Variants in UGT1A9 observed in about 807,000 individuals in gnomAD.
UGT1A9 encodes the protein UDP glucuronosyltransferase family 1 member A9.
Under a neutral mutation model 45.0 loss-of-function variants are expected in UGT1A9, and 35 were observed. That is an observed-to-expected ratio of 0.78 (90% CI 0.59 to 1.03). UGT1A9 has a LOEUF of 1.03. Among genes scored for constraint, UGT1A9 ranks in the 50% least tolerant of loss-of-function variants. UGT1A9 has a pLI of 0.00. For missense variants in UGT1A9, 687 were observed against 666.6 expected (o/e 1.03, Z -0.34); for synonymous variants, 278 against 250.6 (o/e 1.11, Z -1.03).
chr2:233,751,206 C>G (rs1365392073), intron 1 of UGT1A9, among the ~76,000 whole-genome samples: 1 of 151,962 alleles, frequency 6.6e-6, no homozygotes, highest in Non-Finnish European at 1.5e-5. Flanking sequence ...AATTTTGGAG[C>G]TTTAAGATTT....
chr2:233,743,427 G>A, intron 1 of UGT1A9: 2 of 1,349,658 alleles, frequency 1.5e-6, no homozygotes, highest in South Asian at 2.3e-5. Context: ...GGGAGCCAAA[G>A]GAACGAAATC....
rs541728418 is a variant in UGT1A9, at chr2:233,673,104, C to T, written c.855+315C>T. On this transcript the variant is annotated intron_variant, in intron 1 of 4. Transcript: ENST00000354728. Reference sequence around the variant, plus strand: ...CCCTTTTTTGTTAATTCTATATGCCCGCCCCAGAGGAAATGGTCTTAGTTT... The same window carrying T: ...CCCTTTTTTGTTAATTCTATATGCCTGCCCCAGAGGAAATGGTCTTAGTTT... Among the ~76,000 whole-genome samples, 19 of 152,122 alleles carry T rather than the reference C, an allele frequency of 1.2e-4. No homozygotes were observed. In the East Asian group the frequency reaches 2.3e-3, roughly 19 times the overall value.
At chr2:233,701,956 C>T (rs1431436899) in intron 1 of UGT1A9, among the ~76,000 whole-genome samples, 1 of 152,018 alleles carries the variant, frequency 6.6e-6, no homozygotes, top group Non-Finnish European at 1.5e-5. Context: ...AGAGCAAACA[C>T]ATTCAAAAGC....
At chr2:233,675,895 T>G (rs1443660029) in intron 1 of UGT1A9, among the ~76,000 whole-genome samples, 1 of 152,146 alleles carries the variant, frequency 6.6e-6, no homozygotes. Context: ...CATTATCATA[T>G]CTAAGACAAT....
In UGT1A9 at chr2:233,768,589, T is replaced by TC. The variant is rs1441142658; in HGVS notation, c.1295+150_1295+151insC. The TC allele has an allele frequency of 2.3e-4, 239 of 1,048,606 alleles. No individual in the cohort carries two copies. In the East Asian group the frequency reaches 3.3e-3, roughly 15 times the overall value. 65.0% of individuals were successfully genotyped at this position (1,048,606 alleles called of 1,614,324 possible). A position where few individuals can be genotyped will look rare whatever the true frequency, so the allele number is the denominator to read the frequency against. ...TCTGGATTTTTATTTCTTCTTTTTT[T>TC]TTTTTTTTTTTTTTTGAGATGGAGT... On this transcript the variant is annotated intron_variant, in intron 4 of 4. Transcript: ENST00000354728.
Position 233,754,880 on chromosome 2 carries a change from C to T in UGT1A9, c.856-12154C>T, listed in dbSNP as rs764187223. Reference sequence around the variant, plus strand: ...GTGCAGACCCTCTGCTTCTGCTTCCCAGGGAGTTCCTCTGACCCCCCAAAA... The same window carrying T: ...GTGCAGACCCTCTGCTTCTGCTTCCTAGGGAGTTCCTCTGACCCCCCAAAA... On this transcript the variant is annotated intron_variant, in intron 1 of 4. Transcript: ENST00000354728. 3.0e-6 allele frequency: 4 copies of T among 1,352,340 alleles called. No homozygotes were observed. The South Asian group carries it at 4.6e-5, about 15-fold the overall frequency. The allele number at this position is 1,352,340 out of a possible 1,614,324, so 83.8% of individuals were successfully genotyped here.
intron 1 of UGT1A9, among the ~76,000 whole-genome samples, chr2:233,727,971 C>G (rs1256650182): frequency 6.6e-6 from 1 of 152,196 alleles, no homozygotes; most frequent in Non-Finnish European, 1.5e-5. Context: ...CTGAGGTGAC[C>G]AGGACAAGGT....
chr2:233,719,298 G>T, intron 1 of UGT1A9: 1 of 1,613,992 alleles, frequency 6.2e-7, no homozygotes, highest in Admixed American at 1.7e-5. Flanking sequence ...CTGTGGGGCG[G>T]TGCTGGCTAA....
intron 1 of UGT1A9, chr2:233,713,228 G>C (rs200357281): frequency 7.1e-5 from 114 of 1,614,178 alleles, no homozygotes; most frequent in South Asian, 3.1e-4. Flanking sequence ...CCCTGACAAC[G>C]TATGCCATTT....
At chr2:233,696,081 T>C (rs1265342336) in intron 1 of UGT1A9, among the ~76,000 whole-genome samples, 2 of 152,144 alleles carry the variant, frequency 1.3e-5, no homozygotes, top group East Asian at 3.8e-4. Context: ...AAGAACAGTA[T>C]GGAGAGTCTT....
Position 233,746,417 on chromosome 2 carries a change from CT to C in UGT1A9, c.856-20616del, listed in dbSNP as rs747591279. 3.3e-5 allele frequency among the ~76,000 whole-genome samples: 5 copies of C among 151,706 alleles called. No homozygotes were observed. The South Asian group carries it at 1.0e-3, about 32-fold the overall frequency. ...AGCTGGGAGTGTGTCCAATGGTGAC[CT>C]ATTAACTTATGTCTTCAGCTTAAAA... On this transcript the variant is annotated intron_variant, in intron 1 of 4. Transcript: ENST00000354728.
intron 1 of UGT1A9, among the ~76,000 whole-genome samples, chr2:233,705,699 T>A (rs2075866580): frequency 6.6e-6 from 1 of 152,196 alleles, no homozygotes; most frequent in Admixed American, 6.5e-5. Context: ...GGTATAAAAA[T>A]TCACCAGTAT....
chr2:233,683,013 T>C (rs1053906206), intron 1 of UGT1A9, among the ~76,000 whole-genome samples: 2 of 152,186 alleles, frequency 1.3e-5, no homozygotes, highest in African/African-American at 2.4e-5. Flanking sequence ...TTGTAGATCA[T>C]ATCTAGGCTG....
At chr2:233,735,635 G>T (rs1575610162) in intron 1 of UGT1A9, among the ~76,000 whole-genome samples, 2 of 152,280 alleles carry the variant, frequency 1.3e-5, no homozygotes, top group East Asian at 3.9e-4. Flanking sequence ...GCATGTTTTT[G>T]CAGTGGCTGG....
At chr2:233,686,352 CA>C (rs1324120772) in intron 1 of UGT1A9, among the ~76,000 whole-genome samples, 4 of 151,822 alleles carry the variant, frequency 2.6e-5, no homozygotes, top group Non-Finnish European at 5.9e-5. Flanking sequence ...TTTTGTATAT[CA>C]AAGGATACTA....
chr2:233,729,355 C>T (rs144116440), intron 1 of UGT1A9: 167 of 1,614,046 alleles, frequency 1.0e-4, no homozygotes, highest in Non-Finnish European at 4.3e-5. Context: ...CTTTTTCACC[C>T]TGACAACCTA....
intron 1 of UGT1A9, among the ~76,000 whole-genome samples, chr2:233,700,016 G>A (rs1422115779): frequency 4.6e-5 from 7 of 152,224 alleles, no homozygotes; most frequent in African/African-American, 1.7e-4. Context: ...CACGAGTGCT[G>A]AAATTGAGAA....
At chr2:233,717,999 T>G (rs1180209049) in intron 1 of UGT1A9, 5 of 416,692 alleles carry the variant, frequency 1.2e-5, no homozygotes, top group Non-Finnish European at 2.4e-5. Flanking sequence ...CTGTGCAAGA[T>G]CTGAGGCCAG....
chr2:233,693,217 A>T (rs1044652784), intron 1 of UGT1A9: 1 of 1,614,210 alleles, frequency 6.2e-7, no homozygotes, highest in Non-Finnish European at 8.5e-7. Context: ...AAGAATCCAA[A>T]TACTACACAA....
Sources: allele counts gnomAD v4.1 joint callset (sites outside exome capture counted in the v4.1 genomes callset), GRCh38; gene constraint gnomAD v4.1.1; transcripts MANE v1.5; gene names NCBI Gene and HGNC (gene_info 2026-07-23, HGNC 2026-07-21).